SPINK9: variants seen among roughly 807,000 people sequenced by gnomAD.
SPINK9 encodes serine protease inhibitor Kazal-type 9.
SPINK9 carries 3 observed loss-of-function variants against 10.8 expected under a neutral mutation model. That is an observed-to-expected ratio of 0.28 (90% CI 0.13 to 0.72). SPINK9 has a LOEUF of 0.72. Ranked by LOEUF, SPINK9 falls within the 30% of genes least tolerant of loss-of-function variation. SPINK9 has a pLI of 0.74. For missense variants in SPINK9, 101 were observed against 103.2 expected (o/e 0.98, Z 0.09); for synonymous variants, 30 against 31.2 (o/e 0.96, Z 0.12).
chr5:148,338,860 C>T (rs1561769521), intron 3 of SPINK9, among the ~76,000 whole-genome samples: 1 of 152,052 alleles, frequency 6.6e-6, no homozygotes, highest in Non-Finnish European at 1.5e-5. Flanking sequence ...GTTCAACTTC[C>T]ACTTGATAAT....
At chr5:148,324,952 C>T (rs1268471603) in intron 2 of SPINK9, among the ~76,000 whole-genome samples, 1 of 152,042 alleles carries the variant, frequency 6.6e-6, no homozygotes, top group Admixed American at 6.6e-5. Flanking sequence ...TACTATCCTC[C>T]CAACCCCTGG....
At chr5:148,337,715 A>T (rs1581190848) in intron 2 of SPINK9, among the ~76,000 whole-genome samples, 2 of 152,236 alleles carry the variant, frequency 1.3e-5, no homozygotes, top group East Asian at 1.9e-4. Flanking sequence ...TCCACCCTAC[A>T]ATGTGGTTAT....
chr5:148,328,643 CATAG>C (rs1392495199), intron 2 of SPINK9, among the ~76,000 whole-genome samples: 4 of 152,150 alleles, frequency 2.6e-5, no homozygotes, highest in Admixed American at 2.6e-4. Context: ...GTGGGTTTGT[CATAG>C]ATAGCCCTTA....
chr5:148,333,300 C>T (rs72834755), upstream of SPINK9, among the ~76,000 whole-genome samples: 103 of 152,308 alleles, frequency 6.8e-4, no homozygotes, highest in African/African-American at 1.9e-3. Context: ...CCCAAAATTG[C>T]GGCTTAGCCA....
At chr5:148,336,776 T>C (rs528365813) in intron 2 of SPINK9, among the ~76,000 whole-genome samples, 1 of 152,356 alleles carries the variant, frequency 6.6e-6, no homozygotes, top group African/African-American at 2.4e-5. Flanking sequence ...GTGCCTGGCA[T>C]AGAGTGAAAC....
At chr5:148,331,074 C>T (rs143554122), upstream of SPINK9, among the ~76,000 whole-genome samples, 773 of 152,118 alleles carry the variant, frequency 5.1e-3, 8 homozygotes, top group African/African-American at 0.017. Context: ...GGCTCACGCA[C>T]GGTGCGCTGC....
intron 2 of SPINK9, among the ~76,000 whole-genome samples, 175 bp from the exon 3 acceptor site, chr5:148,338,303 T>C (rs959873159): frequency 2.0e-5 from 3 of 152,186 alleles, no homozygotes; most frequent in African/African-American, 7.2e-5. Flanking sequence ...GTCATGATTT[T>C]ATATCTGACA....
rs1228784310 is a variant in SPINK9 at position 148,335,572 on chromosome 5, C to G, written c.-42C>G. The G allele has an allele frequency of 1.9e-6, 3 of 1,598,726 alleles. No homozygotes were observed. The East Asian group carries it at 6.7e-5, about 36-fold the overall frequency. ...AGTGAGCTGGACGGACACCAGGTCACTTCTTTTCCCTACATCTGACTGCCT... is the reference window on the plus strand; with the variant it reads ...AGTGAGCTGGACGGACACCAGGTCAGTTCTTTTCCCTACATCTGACTGCCT... On this transcript the variant is annotated 5_prime_UTR_variant, in exon 1 of 4. Transcript: ENST00000377906.
chr5:148,333,223 T>G (rs1379118747), upstream of SPINK9, among the ~76,000 whole-genome samples: 1 of 152,200 alleles, frequency 6.6e-6, no homozygotes, highest in Non-Finnish European at 1.5e-5. Context: ...CACACTTCTT[T>G]TATCGGTTTA....
upstream of SPINK9, among the ~76,000 whole-genome samples, chr5:148,334,279 G>T (rs1757187325): frequency 1.3e-5 from 2 of 152,060 alleles, no homozygotes; most frequent in Admixed American, 6.6e-5. Context: ...GATTTAGTAG[G>T]ATTCTTTACT....
chr5:148,337,630 T>C (rs1757233646), intron 2 of SPINK9, among the ~76,000 whole-genome samples: 1 of 152,196 alleles, frequency 6.6e-6, no homozygotes, highest in East Asian at 1.9e-4. Context: ...TTGTGCCTAT[T>C]ATTCATTCAA....
chr5:148,327,948 C>T (rs1581185730), intron 2 of SPINK9, among the ~76,000 whole-genome samples: 1 of 151,304 alleles, frequency 6.6e-6, no homozygotes. Context: ...ATGATGCCTC[C>T]AGCTTTGTTC....
intron 1 of SPINK9, 85 bp from the exon 2 acceptor site, chr5:148,336,337 C>G: frequency 7.1e-7 from 1 of 1,410,730 alleles, no homozygotes; most frequent in Non-Finnish European, 1.0e-6. Flanking sequence ...AGGCTGAAAG[C>G]TAAAGCATAA....
upstream of SPINK9, chr5:148,335,409 G>A (rs1370980002): frequency 4.0e-6 from 2 of 505,860 alleles, no homozygotes; most frequent in East Asian, 6.4e-5. Flanking sequence ...AATGGCATGT[G>A]CAATTACCTG....
intron 2 of SPINK9, among the ~76,000 whole-genome samples, chr5:148,329,970 A>G (rs1487172215): frequency 6.6e-6 from 1 of 152,188 alleles, no homozygotes; most frequent in South Asian, 2.1e-4. Context: ...GCTGAGAAGA[A>G]TGTATATTCT....
chr5:148,324,586 A>C (rs1304227496), intron 2 of SPINK9, among the ~76,000 whole-genome samples: 2 of 152,030 alleles, frequency 1.3e-5, no homozygotes, highest in Non-Finnish European at 2.9e-5. Context: ...TATCAGACAA[A>C]CTCAAATTCA....
chr5:148,332,479 G>C (rs1194840137), upstream of SPINK9, among the ~76,000 whole-genome samples: 1 of 152,218 alleles, frequency 6.6e-6, no homozygotes, highest in Non-Finnish European at 1.5e-5. Context: ...GGTTTTTCTA[G>C]GATCTGTGCT....
At chr5:148,329,293 A>T (rs574070973) in intron 2 of SPINK9, among the ~76,000 whole-genome samples, 1 of 152,322 alleles carries the variant, frequency 6.6e-6, no homozygotes, top group Non-Finnish European at 1.5e-5. Context: ...TTATTTGCTT[A>T]GAGGTGTTTA....
chr5:148,328,653 C>T (rs899226016), intron 2 of SPINK9, among the ~76,000 whole-genome samples: 14 of 151,920 alleles, frequency 9.2e-5, no homozygotes, highest in Admixed American at 2.6e-4. Flanking sequence ...CATAGATAGC[C>T]CTTATTATTT....
Sources: gnomAD v4.1 joint callset for allele counts (sites outside exome capture counted in the v4.1 genomes callset) on GRCh38, gnomAD v4.1.1 for gene constraint, MANE v1.5 for transcripts, NCBI Gene and HGNC (gene_info 2026-07-23, HGNC 2026-07-21) for gene names.